Variants in DOT1L observed in about 807,000 individuals in gnomAD.
DOT1L encodes DOT1 like histone lysine methyltransferase.
A neutral mutation model predicts 153.3 loss-of-function variants in DOT1L; 33 were observed. The ratio of observed to expected loss-of-function variants is 0.22; its 90% CI spans 0.16 to 0.29. DOT1L has a LOEUF of 0.29. Ranked by LOEUF, DOT1L falls within the 10% of genes least tolerant of loss-of-function variation. The probability of loss-of-function intolerance (pLI) is 1.00; values close to 1 mark genes in which losing one functional copy is unlikely to be tolerated. For synonymous variants in DOT1L, 1,135 were observed against 965.1 expected (o/e 1.18, Z -3.26); for missense variants, 1,847 against 2,119.9 (o/e 0.87, Z 2.53).
chr19:2,188,028 G>T (rs989400836), intron 3 of DOT1L, among the ~76,000 whole-genome samples: 2 of 151,796 alleles, frequency 1.3e-5, no homozygotes, highest in Non-Finnish European at 2.9e-5. Flanking sequence ...GGGTTCCTCC[G>T]GCCCGCATGG....
Position 2,167,075 on chromosome 19 carries a change from A to C in DOT1L, c.81+2810A>C, listed in dbSNP as rs149181056. 3.1e-3 allele frequency among the ~76,000 whole-genome samples: 472 copies of C among 152,310 alleles called. 4 individuals carry two copies. Among genetic ancestry groups the C allele is most frequent in the African/African-American group, 0.011 (446 of 41,562 alleles). On this transcript the variant is annotated intron_variant, in intron 1 of 27. Coordinates refer to ENST00000398665, the MANE Select transcript of DOT1L (RefSeq NM_032482.3). ...TAAATCCATTGGACAGTTGGGCCAC[A>C]GATTGTTGACGTGTTTGCCTGTGGG...
intron 27 of DOT1L, chr19:2,228,459 G>T: frequency 8.2e-7 from 1 of 1,219,006 alleles, no homozygotes; most frequent in Non-Finnish European, 1.0e-6. Context: ...ACGGCCACAG[G>T]GCTCGGCAGA....
At chr19:2,214,663 G>A (rs1468994528) in intron 19 of DOT1L, 67 bp downstream of exon 19, 12 of 1,578,228 alleles carry the variant, frequency 7.6e-6, no homozygotes, top group African/African-American at 1.3e-5. Flanking sequence ...CTGTGACGTC[G>A]TTGAGCCTAG....
chr19:2,229,727 G>A (rs1318786376), intron 27 of DOT1L, 58 bp from the exon 28 acceptor site: 2 of 1,611,336 alleles, frequency 1.2e-6, no homozygotes, highest in Non-Finnish European at 1.7e-6. Context: ...GTGAGTGTTG[G>A]GCTCCCCCAG....
chr19:2,228,925 C>T, intron 27 of DOT1L: 2 of 985,402 alleles, frequency 2.0e-6, no homozygotes, highest in African/African-American at 1.7e-5. Context: ...CAGTGAAGCC[C>T]CAAGTGCCCT....
Position 2,210,631 on chromosome 19 carries a change from C to T in DOT1L, c.1127C>T (p.Ala376Val). 1 of 1,612,508 alleles carries T rather than the reference C, an allele frequency of 6.2e-7. No homozygotes were observed. The highest frequency in any genetic ancestry group is 8.5e-7 in the Non-Finnish European group (1 of 1,179,694). The change falls in exon 14 of 28, where the codon GCT becomes GTT. Residue 376 changes from alanine to valine, a missense_variant. Physicochemically the swap from Ala to Val is moderately conservative, Grantham distance 64. Transcript: ENST00000398665. Reference protein sequence around the residue: ...GPADAPMDSGAEEEKAGAATV... With the variant: ...GPADAPMDSGVEEEKAGAATV... ...CCTTGTGTCCTCCAGGACTCTGGTG[C>T]TGAGGAAGAGAAGGCGGGAGCAGCC...
intron 22 of DOT1L, among the ~76,000 whole-genome samples, chr19:2,219,007 G>A (rs573328027): frequency 6.6e-6 from 1 of 152,338 alleles, no homozygotes; most frequent in East Asian, 1.9e-4. Context: ...GAGTAGCTGG[G>A]ATTACAGGCA....
At position 2,188,480 on chromosome 19, in the gene DOT1L, G is replaced by GCC. The variant is rs375314788; in HGVS notation, c.201-1239_201-1238dup. 6.0e-4 allele frequency among the ~76,000 whole-genome samples: 40 copies of GCC among 66,996 alleles called. 2 individuals carry two copies. The highest frequency in any genetic ancestry group is 1.0e-3 in the African/African-American group (14 of 14,056). 44.0% of individuals were successfully genotyped at this position (66,996 alleles called of 152,430 possible). ...GCGGAGGAAAGAGTCCCCAGCCGCCGCCCCCCCCCCCCCCACCCGCACAGG... is the reference window on the plus strand; with the variant it reads ...GCGGAGGAAAGAGTCCCCAGCCGCCGCCCCCCCCCCCCCCCCACCCGCACAGG... On this transcript the variant is annotated intron_variant, in intron 3 of 27. Transcript: ENST00000398665.
chr19:2,187,964 A>G (rs1229192740), intron 3 of DOT1L, among the ~76,000 whole-genome samples: 3 of 149,242 alleles, frequency 2.0e-5, no homozygotes, highest in African/African-American at 7.4e-5. Context: ...AGGAAGGGCC[A>G]GGGCTGCTCC....
rs1280748265 is a variant in DOT1L at position 2,197,165 on chromosome 19, C to T, written c.651+2588C>T. ...TGGTCTCTGGGTGGCGCTCCCTCGG[C>T]TTCTGTTCTGCTGTCTTTGACCAGG... On this transcript the variant is annotated intron_variant, in intron 7 of 27. Coordinates refer to ENST00000398665, the MANE Select transcript of DOT1L (RefSeq NM_032482.3). The surrounding 1 kb of genome is among the most constrained non-coding windows in gnomAD (Gnocchi z 4.1). Among the ~76,000 whole-genome samples the T allele has an allele frequency of 6.6e-6, 1 of 152,212 alleles. No homozygotes were observed. Among genetic ancestry groups the T allele is most frequent in the Non-Finnish European group, 1.5e-5 (1 of 68,036 alleles).
intron 1 of DOT1L, among the ~76,000 whole-genome samples, chr19:2,177,505 G>T (rs940966107): frequency 6.6e-6 from 1 of 151,962 alleles, no homozygotes; most frequent in Non-Finnish European, 1.5e-5. Flanking sequence ...TATATTATTA[G>T]TGGTAATAAT....
chr19:2,164,443 C>T (rs979384686), intron 1 of DOT1L, 178 bp downstream of exon 1: 1 of 401,602 alleles, frequency 2.5e-6, no homozygotes, highest in Non-Finnish European at 4.1e-6. Context: ...GCGGCTGTTT[C>T]CCGCAGGGTG....
Position 2,193,867 on chromosome 19 carries a change from T to A in DOT1L, c.588+84T>A. Reference sequence around the variant, plus strand: ...GCCCTGGGTGCCTGCACCCCACTGCTGTGGGACTTCCGAGTCTGGGTGGCG... The same window carrying A: ...GCCCTGGGTGCCTGCACCCCACTGCAGTGGGACTTCCGAGTCTGGGTGGCG... On this transcript the variant is annotated intron_variant, in intron 6 of 27. Transcript: ENST00000398665. The surrounding 1 kb of genome is among the most constrained non-coding windows in gnomAD (Gnocchi z 5.9). 1.4e-6 allele frequency: 2 copies of A among 1,399,510 alleles called. No homozygotes were observed. Among genetic ancestry groups the A allele is most frequent in the Non-Finnish European group, 2.0e-6 (2 of 1,014,846 alleles). 86.7% of individuals were successfully genotyped at this position (1,399,510 alleles called of 1,614,324 possible).
chr19:2,184,211 C>G (rs942515659), intron 2 of DOT1L, among the ~76,000 whole-genome samples: 1 of 152,114 alleles, frequency 6.6e-6, no homozygotes, highest in Non-Finnish European at 1.5e-5. Context: ...GGGTTGCTCT[C>G]GGGGCCTCGC....
In DOT1L at chr19:2,226,495, A is replaced by G; in HGVS notation, c.3974A>G (p.Asp1325Gly). 1 of 1,600,526 alleles carries G rather than the reference A, an allele frequency of 6.2e-7. No homozygotes were observed. The highest frequency in any genetic ancestry group is 8.5e-7 in the Non-Finnish European group (1 of 1,179,614). The change falls in exon 27 of 28, where the codon GAC (aspartate) becomes GGC (glycine). Residue 1325 changes from aspartate to glycine, a missense_variant. Around this residue, in one of 8 missense-constraint regions of DOT1L, gnomAD observed 934 missense variants for 825.3 expected, o/e 1.13. Transcript: ENST00000398665. ...ACCTTCGGCGGGGGCCTGGCCGCGGACCTGAGTTTACACAGCTTCAGTGAT... is the reference window on the plus strand; with the variant it reads ...ACCTTCGGCGGGGGCCTGGCCGCGGGCCTGAGTTTACACAGCTTCAGTGAT... ...GCTFGGGLAA[D>G]LSLHSFSDGA...
Position 2,211,190 on chromosome 19 carries a change from G to T in DOT1L, c.1443G>T (p.Pro481=). 6.2e-7 allele frequency: 1 copy of T among 1,610,512 alleles called. No individual in the cohort carries two copies. Among genetic ancestry groups the T allele is most frequent in the South Asian group, 1.1e-5 (1 of 90,896 alleles). The change falls in exon 15 of 28, where the codon CCG becomes CCT. Residue 481 remains proline (P), a synonymous_variant. Transcript: ENST00000398665. ...ACCCGCTGCTGGTGGCGCCCACCCC[G>T]CCCGCGCTGCAGAAGCTTCTAGGTG... The part of the protein sequence containing the change: ...SPNPLLVAPT[P]PALQKLLESF...
chr19:2,207,499 C>A lies in DOT1L; in HGVS notation c.857-75C>A. 1 of 1,295,110 alleles carries A rather than the reference C, an allele frequency of 7.7e-7. No individual in the cohort carries two copies. The highest frequency in any genetic ancestry group is 1.1e-6 in the Non-Finnish European group (1 of 927,028). The allele number at this position is 1,295,110 out of a possible 1,614,324, so 80.2% of individuals were successfully genotyped here. A position where few individuals can be genotyped will look rare whatever the true frequency, so the allele number is the denominator to read the frequency against. The stretch of plus-strand genomic sequence containing the variant: ...GCTCAGGCTTCTGTCCCCACGCCTG[C>A]CCTGGGGTGGGTGAGGTCTGCATGG... On this transcript the variant is annotated intron_variant, in intron 10 of 27. Coordinates refer to ENST00000398665, the MANE Select transcript of DOT1L (RefSeq NM_032482.3). The surrounding 1 kb of genome is among the most constrained non-coding windows in gnomAD (Gnocchi z 4.5).
chr19:2,178,503 C>T (rs569095796), intron 1 of DOT1L, among the ~76,000 whole-genome samples: 28 of 151,028 alleles, frequency 1.9e-4, no homozygotes, highest in Non-Finnish European at 3.7e-4. Flanking sequence ...CTGCAAGCTC[C>T]GCTTCCCGGG....
intron 1 of DOT1L, among the ~76,000 whole-genome samples, chr19:2,165,261 TCC>T (rs1292481396): frequency 5.5e-4 from 67 of 120,888 alleles, no homozygotes; most frequent in Non-Finnish European, 2.4e-4. Flanking sequence ...CGGCCGGGCA[TCC>T]CCGCGCGCCC....
Sources: gnomAD v4.1 joint callset for allele counts (sites outside exome capture counted in the v4.1 genomes callset) on GRCh38, gnomAD v4.1.1 for gene constraint, gnomAD v4.1.1 regional missense constraint, Gnocchi (gnomAD v3.1) non-coding constraint, MANE v1.5 for transcripts, NCBI Gene and HGNC (gene_info 2026-07-23, HGNC 2026-07-21) for gene names.